The following OSTF1 variants were observed in gnomAD, a reference collection of about 807,000 sequenced individuals.
OSTF1 encodes the protein osteoclast-stimulating factor 1.
In OSTF1, 27 loss-of-function variants were observed where a neutral mutation model predicts 37.2. The ratio of observed to expected loss-of-function variants is 0.73; its 90% CI spans 0.54 to 1.00. The LOEUF (loss-of-function observed/expected upper bound fraction) is 1.00, where lower values mean the gene tolerates loss of function less well. OSTF1 is among the 50% of genes least tolerant of loss of function. The pLI is 0.00. For missense variants in OSTF1, 232 were observed against 253.8 expected (o/e 0.91, Z 0.58); for synonymous variants, 82 against 89.2 (o/e 0.92, Z 0.46).
Position 75,115,094 on chromosome 9 carries a change from T to C in OSTF1, c.35-2410T>C, listed in dbSNP as rs183634627. Among the ~76,000 whole-genome samples, 29 of 152,372 alleles carry C rather than the reference T, an allele frequency of 1.9e-4. No individual in the cohort carries two copies. The East Asian group carries it at 5.0e-3, about 26-fold the overall frequency. On this transcript the variant is annotated intron_variant, in intron 1 of 9. Transcript: ENST00000346234. ...TTTATAAGTTGTATGTATATTATTC[T>C]ATGGTGTTATATCATAAAACATGTT...
intron 1 of OSTF1, among the ~76,000 whole-genome samples, chr9:75,114,323 A>G (rs1447245940): frequency 6.6e-6 from 1 of 152,118 alleles, no homozygotes; most frequent in Non-Finnish European, 1.5e-5. Flanking sequence ...TCCCCTTTTA[A>G]TGGACATTAA....
At chr9:75,100,642 A>G (rs1587440140) in intron 1 of OSTF1, among the ~76,000 whole-genome samples, 2 of 151,894 alleles carry the variant, frequency 1.3e-5, no homozygotes, top group Admixed American at 6.6e-5. Flanking sequence ...AAGGGAGGAG[A>G]ATCTCTTGAA....
At chr9:75,101,568 C>A (rs967257369) in intron 1 of OSTF1, among the ~76,000 whole-genome samples, 3 of 152,128 alleles carry the variant, frequency 2.0e-5, no homozygotes, top group African/African-American at 7.2e-5. Flanking sequence ...CATTTGAATC[C>A]TTCTGTTTTC....
chr9:75,119,392 A>G (rs893608694), intron 2 of OSTF1, among the ~76,000 whole-genome samples: 3 of 152,236 alleles, frequency 2.0e-5, no homozygotes, highest in African/African-American at 4.8e-5. Flanking sequence ...TATTCTTCTC[A>G]CCAAGAGATT....
rs1173554398 is a variant in OSTF1, at chr9:75,088,808, C to T, written c.34+82C>T. 3 of 1,381,438 alleles carry T rather than the reference C, an allele frequency of 2.2e-6. No individual in the cohort carries two copies. The Admixed American group carries it at 5.9e-5, about 27-fold the overall frequency. 85.6% of individuals were successfully genotyped at this position (1,381,438 alleles called of 1,614,324 possible). ...CTCCTCTGCAGCTTGGCAGGGAGGA[C>T]CCGGCGCGCACCCGGCCCCGAGCCT... On this transcript the variant is annotated intron_variant, in intron 1 of 9. Transcript: ENST00000346234.
At chr9:75,124,730 C>G (rs562684258) in intron 2 of OSTF1, among the ~76,000 whole-genome samples, 2 of 152,280 alleles carry the variant, frequency 1.3e-5, no homozygotes, top group African/African-American at 4.8e-5. Flanking sequence ...GACTCATTAC[C>G]ATGCTTGTGT....
At chr9:75,093,462 T>G (rs1825018405) in intron 1 of OSTF1, among the ~76,000 whole-genome samples, 1 of 152,244 alleles carries the variant, frequency 6.6e-6, no homozygotes, top group Non-Finnish European at 1.5e-5. Context: ...GCAGGTTTGG[T>G]AACTATCTAT....
At chr9:75,091,133 T>C (rs950501182) in intron 1 of OSTF1, among the ~76,000 whole-genome samples, 18 of 144,406 alleles carry the variant, frequency 1.2e-4, no homozygotes, top group Non-Finnish European at 1.9e-4. Flanking sequence ...TTGCCCAGGC[T>C]GGAGTGCAGT....
At chr9:75,141,816 T>C (rs575157870) in intron 9 of OSTF1, among the ~76,000 whole-genome samples, 34 of 152,310 alleles carry the variant, frequency 2.2e-4, no homozygotes, top group African/African-American at 7.9e-4. Flanking sequence ...TGTGCAATCA[T>C]AGCTCACTGC....
chr9:75,143,132 G>A (rs2118641874), intron 9 of OSTF1, among the ~76,000 whole-genome samples: 1 of 152,148 alleles, frequency 6.6e-6, no homozygotes, highest in South Asian at 2.1e-4. Flanking sequence ...CAGAGATGGG[G>A]TTTCACCTTT....
chr9:75,093,642 AC>A (rs762191728), intron 1 of OSTF1, among the ~76,000 whole-genome samples: 1 of 152,218 alleles, frequency 6.6e-6, no homozygotes, highest in Non-Finnish European at 1.5e-5. Context: ...CAGAGTAAAA[AC>A]ATCATAAAAC....
intron 1 of OSTF1, among the ~76,000 whole-genome samples, chr9:75,103,474 GTTGT>G (rs1825231058): frequency 6.6e-6 from 1 of 152,134 alleles, no homozygotes; most frequent in Admixed American, 6.5e-5. Context: ...GCATTTTGAT[GTTGT>G]TTCTTTCCAG....
At chr9:75,140,982 T>A (rs1486752493) in intron 9 of OSTF1, 50 bp downstream of exon 9, 1 of 1,300,082 alleles carries the variant, frequency 7.7e-7, no homozygotes, top group East Asian at 2.3e-5. Flanking sequence ...TAACTAAGAT[T>A]TATTAACTTA....
chr9:75,131,563 G>C (rs1446228928), intron 4 of OSTF1, among the ~76,000 whole-genome samples: 1 of 152,054 alleles, frequency 6.6e-6, no homozygotes, highest in Non-Finnish European at 1.5e-5. Context: ...TGCTTGGCTT[G>C]GTTTCCCTAA....
chr9:75,132,740 C>A (rs958980592), intron 5 of OSTF1, among the ~76,000 whole-genome samples: 9 of 152,028 alleles, frequency 5.9e-5, no homozygotes, highest in Non-Finnish European at 1.2e-4. Flanking sequence ...TTAAAAAATT[C>A]TTTGTGAATT....
At position 75,140,858 on chromosome 9, in the gene OSTF1, T is replaced by C. The variant is rs2118628946; in HGVS notation, c.512T>C (p.Ile171Thr). 6.2e-7 allele frequency: 1 copy of C among 1,613,694 alleles called. No homozygotes were observed. The highest frequency in any genetic ancestry group is 1.3e-5 in the African/African-American group (1 of 75,012). Residue 171 changes from isoleucine to threonine, a missense_variant, in exon 9 of 10, where the codon ATT becomes ACT. Ile to Thr is a moderately conservative substitution (Grantham distance 89). Transcript: ENST00000346234. ...GGTGCTAGAACAGACTTAAGAAACA[T>C]TGAGAAGAAGCTGGCCTTCGACATG... is the stretch of plus-strand genomic sequence containing the variant. Reference protein sequence around the residue: ...AKGARTDLRNIEKKLAFDMAT... With the variant: ...AKGARTDLRNTEKKLAFDMAT...
At chr9:75,140,178 A>C (rs1245363598) in intron 8 of OSTF1, among the ~76,000 whole-genome samples, 1 of 152,236 alleles carries the variant, frequency 6.6e-6, no homozygotes, top group Non-Finnish European at 1.5e-5. Context: ...GCACTGATGC[A>C]AATAAGGGAG....
At chr9:75,093,049 TCTCTTTCTTTCTTTC>T (rs1344361146) in intron 1 of OSTF1, among the ~76,000 whole-genome samples, 2,060 of 126,600 alleles carry the variant, frequency 0.016, 49 homozygotes, top group African/African-American at 0.062. Context: ...TTTCTCTCTC[TCTCTTTCTTTCTTTC>T]TTTTTTTTTT....
intron 1 of OSTF1, among the ~76,000 whole-genome samples, chr9:75,106,337 T>C (rs1825283408): frequency 6.6e-6 from 1 of 152,190 alleles, no homozygotes; most frequent in Admixed American, 6.5e-5. Context: ...GCCTCTCTTT[T>C]TATTTTCAAG....
Sources: gnomAD v4.1 joint callset for allele counts (sites outside exome capture counted in the v4.1 genomes callset) on GRCh38, gnomAD v4.1.1 for gene constraint, MANE v1.5 for transcripts, NCBI Gene and HGNC (gene_info 2026-07-23, HGNC 2026-07-21) for gene names.